The following LINGO3 variants were observed in gnomAD, a reference collection of about 807,000 sequenced individuals.
The protein encoded by LINGO3 is leucine-rich repeat and immunoglobulin-like domain-containing nogo receptor-interacting protein 3.
For synonymous variants in LINGO3, 427 were observed against 444.2 expected (o/e 0.96, Z 0.49); for missense variants, 750 against 867.7 (o/e 0.86, Z 1.70).
At chr19:2,307,389 A>G in the LINGO3 span, among the ~76,000 whole-genome samples, 2 of 152,178 alleles carry the variant, frequency 1.3e-5, no homozygotes, top group African/African-American at 4.8e-5. Context: ...TGCCCGGACC[A>G]AGGCACGAGG....
the LINGO3 span, among the ~76,000 whole-genome samples, chr19:2,303,259 G>A: frequency 1.4e-4 from 22 of 152,174 alleles, no homozygotes; most frequent in African/African-American, 5.1e-4. Flanking sequence ...TTCCCCCAGC[G>A]TCAAGGTGGG....
chr19:2,297,327 CAG>C, the LINGO3 span, among the ~76,000 whole-genome samples: 16 of 109,716 alleles, frequency 1.5e-4, no homozygotes, highest in Non-Finnish European at 2.6e-4. Context: ...TTTTCTGAGA[CAG>C]AGTCTCGCTC....
chr19:2,304,039 G>C, the LINGO3 span, among the ~76,000 whole-genome samples: 1 of 152,218 alleles, frequency 6.6e-6, no homozygotes, highest in Non-Finnish European at 1.5e-5. Flanking sequence ...TCCTTCCGGG[G>C]AAGTCTCCAT....
chr19:2,289,160 C>T (rs1277471975), downstream of LINGO3, among the ~76,000 whole-genome samples: 1 of 149,046 alleles, frequency 6.7e-6, no homozygotes, highest in East Asian at 2.0e-4. Context: ...GCTGTGTGTC[C>T]CGGGTGTGAG....
At chr19:2,293,120 G>C (rs996287996), upstream of LINGO3, among the ~76,000 whole-genome samples, 1 of 151,502 alleles carries the variant, frequency 6.6e-6, no homozygotes, top group Admixed American at 6.6e-5. Flanking sequence ...GCTGGAGTGC[G>C]GTGGCACAAT....
At chr19:2,289,822 A>G (rs2025500335) in exon 1 of LINGO3, 2 of 571,590 alleles carry the variant, frequency 3.5e-6, no homozygotes, top group South Asian at 4.6e-5. Context: ...AGAAACTGCA[A>G]AAAAGACGCA....
the LINGO3 span, among the ~76,000 whole-genome samples, chr19:2,305,501 C>G: frequency 1.3e-5 from 2 of 152,160 alleles, no homozygotes. Flanking sequence ...CAGCTCCTGG[C>G]TAAGCCCCCG....
At chr19:2,296,784 C>T (rs143795100), upstream of LINGO3, among the ~76,000 whole-genome samples, 148 of 151,412 alleles carry the variant, frequency 9.8e-4, 1 homozygote, top group East Asian at 0.028. Context: ...GCTGCAAGAC[C>T]CTGTTTTTAA....
At chr19:2,301,513 G>A in the LINGO3 span, among the ~76,000 whole-genome samples, 18 of 152,080 alleles carry the variant, frequency 1.2e-4, no homozygotes, top group South Asian at 2.1e-4. Flanking sequence ...CACACAGTGC[G>A]CCTCCAGTTC....
At chr19:2,306,885 G>A in the LINGO3 span, among the ~76,000 whole-genome samples, 2 of 152,114 alleles carry the variant, frequency 1.3e-5, no homozygotes, top group African/African-American at 4.8e-5. Flanking sequence ...CTGCTGCTTC[G>A]GCTCAGAGAA....
At chr19:2,303,472 C>A in the LINGO3 span, among the ~76,000 whole-genome samples, 9 of 149,224 alleles carry the variant, frequency 6.0e-5, no homozygotes, top group African/African-American at 2.2e-4. Flanking sequence ...AAGCGAGGGG[C>A]GAGGCTGGCC....
chr19:2,299,151 G>A, the LINGO3 span, among the ~76,000 whole-genome samples: 1 of 152,182 alleles, frequency 6.6e-6, no homozygotes, highest in Non-Finnish European at 1.5e-5. Context: ...CTCAAGCTGT[G>A]ACCTAGTTTT....
Position 2,290,413 on chromosome 19 carries a change from C to A in LINGO3, c.1364G>T (p.Gly455Val), listed in dbSNP as rs1006849686. 2 of 1,424,604 alleles carry A rather than the reference C, an allele frequency of 1.4e-6. No homozygotes were observed. Among genetic ancestry groups the A allele is most frequent in the Non-Finnish European group, 1.8e-6 (2 of 1,097,228 alleles). 88.2% of individuals were successfully genotyped at this position (1,424,604 alleles called of 1,614,324 possible). The change falls in exon 1 of 1, where the codon GGC (glycine) becomes GTC (valine). Residue 455 changes from glycine (G) to valine (V), a missense_variant. Physicochemically the swap from Gly to Val is moderately radical, Grantham distance 109. Transcript: ENST00000585527. This position sits in a 1 kb window ranked among gnomAD's most constrained non-coding sequence, Gnocchi z 6.0. ...CCCCCCGGGGAGCACGCGCGCCCGG[C>A]CCGCGCTGGTGGCCGTCACCGGCCG...
the LINGO3 span, among the ~76,000 whole-genome samples, chr19:2,302,662 G>C: frequency 6.6e-6 from 1 of 152,326 alleles, no homozygotes; most frequent in Admixed American, 6.5e-5. Context: ...GCCCGGTCTC[G>C]GGAGTCTGGG....
exon 1 of LINGO3, chr19:2,291,981 G>C (rs1398248685): frequency 1.7e-6 from 1 of 599,676 alleles, no homozygotes; most frequent in African/African-American, 1.9e-5. Flanking sequence ...GAGTTCAAGA[G>C]TTCGAGACCA....
chr19:2,303,942 G>T, the LINGO3 span, among the ~76,000 whole-genome samples: 6 of 152,200 alleles, frequency 3.9e-5, no homozygotes, highest in African/African-American at 9.6e-5. Context: ...AAGTCTCTGA[G>T]CCTCAGTTTC....
the LINGO3 span, among the ~76,000 whole-genome samples, chr19:2,299,507 T>C: frequency 6.6e-6 from 1 of 151,648 alleles, no homozygotes; most frequent in Middle Eastern, 3.4e-3. Context: ...CACTGCAAGC[T>C]CCACCTCCCA....
chr19:2,291,419 C>T lies in LINGO3; in HGVS notation c.358G>A (p.Gly120Arg). 1 of 1,613,438 alleles carries T rather than the reference C, an allele frequency of 6.2e-7. No homozygotes were observed. The highest frequency in any genetic ancestry group is 8.5e-7 in the Non-Finnish European group (1 of 1,179,726). ...AGGTTGTCCAGGCGCGTGAAGACCC[C>T]GGGCGGGATGAGCTTCAGCTGGTTG... is the stretch of plus-strand genomic sequence containing the variant. The change falls in exon 1 of 1, where the codon GGG becomes AGG. Residue 120 changes from glycine (G) to arginine (R), a missense_variant. Coordinates refer to ENST00000585527, the Ensembl canonical transcript of LINGO3.
At chr19:2,295,431 C>A (rs1006830215), upstream of LINGO3, among the ~76,000 whole-genome samples, 1 of 152,178 alleles carries the variant, frequency 6.6e-6, no homozygotes, top group Non-Finnish European at 1.5e-5. Flanking sequence ...GACTCCAGAA[C>A]TGTGAGAGCA....
Sources: gnomAD v4.1 joint callset for allele counts (sites outside exome capture counted in the v4.1 genomes callset) on GRCh38, gnomAD v4.1.1 for gene constraint, Gnocchi (gnomAD v3.1) non-coding constraint, MANE v1.5 for transcripts, NCBI Gene and HGNC (gene_info 2026-07-23, HGNC 2026-07-21) for gene names.